Variants in TBC1D22A observed in about 807,000 individuals in gnomAD.
TBC1D22A encodes putative GTPase activator.
TBC1D22A carries 38 observed loss-of-function variants against 60.2 expected under a neutral mutation model. The observed-to-expected ratio is 0.63, with a 90% CI of 0.49 to 0.83. The LOEUF is 0.83. TBC1D22A is among the 40% of genes least tolerant of loss of function. TBC1D22A has a pLI of 0.00. For missense variants in TBC1D22A, 628 were observed against 701.0 expected (o/e 0.90, Z 1.18); for synonymous variants, 302 against 281.7 (o/e 1.07, Z -0.72).
intron 4 of TBC1D22A, among the ~76,000 whole-genome samples, chr22:46,805,488 C>T (rs16995739): frequency 0.014 from 2,124 of 152,312 alleles, 51 homozygotes; most frequent in African/African-American, 0.044. Context: ...ATCTAAGCTC[C>T]AAGTCACTTG....
chr22:46,975,424 C>T (rs996040597), intron 9 of TBC1D22A, among the ~76,000 whole-genome samples: 15 of 152,168 alleles, frequency 9.9e-5, no homozygotes, highest in East Asian at 5.8e-4. Flanking sequence ...CGGTTTGGGT[C>T]GGTAATCGTT....
At chr22:46,959,607 G>A (rs2073388638) in intron 8 of TBC1D22A, among the ~76,000 whole-genome samples, 1 of 152,158 alleles carries the variant, frequency 6.6e-6, no homozygotes, top group South Asian at 2.1e-4. Context: ...TTGTGCCGGT[G>A]GCCTCTCTGT....
At chr22:47,084,635 C>T (rs957898349) in intron 11 of TBC1D22A, among the ~76,000 whole-genome samples, 1 of 152,100 alleles carries the variant, frequency 6.6e-6, no homozygotes, top group Non-Finnish European at 1.5e-5. Context: ...TATTCAGCAA[C>T]AGAATGGATA....
intron 4 of TBC1D22A, among the ~76,000 whole-genome samples, chr22:46,853,341 T>C (rs2087387347): frequency 6.6e-6 from 1 of 152,198 alleles, no homozygotes; most frequent in Admixed American, 6.5e-5. Flanking sequence ...GCGAGAGGCA[T>C]GAAGCCGCCT....
intron 12 of TBC1D22A, among the ~76,000 whole-genome samples, chr22:47,150,053 C>T (rs991364945): frequency 6.6e-6 from 1 of 152,134 alleles, no homozygotes; most frequent in African/African-American, 2.4e-5. Flanking sequence ...CTGGGATTAG[C>T]CCCTCTGGTC....
intron 12 of TBC1D22A, among the ~76,000 whole-genome samples, chr22:47,152,209 G>C (rs1230849428): frequency 6.6e-6 from 1 of 152,226 alleles, no homozygotes. Context: ...TTTGTCCTCA[G>C]GTTGGGTTGA....
At chr22:47,053,580 A>G (rs1190406207) in intron 11 of TBC1D22A, among the ~76,000 whole-genome samples, 2 of 152,244 alleles carry the variant, frequency 1.3e-5, no homozygotes, top group African/African-American at 2.4e-5. Flanking sequence ...GAGAGCAGAA[A>G]GGCCAAGCCC....
At chr22:47,089,294 A>C (rs1044810416) in intron 11 of TBC1D22A, among the ~76,000 whole-genome samples, 2 of 152,208 alleles carry the variant, frequency 1.3e-5, no homozygotes, top group Non-Finnish European at 2.9e-5. Context: ...GAAGCTGTGA[A>C]ATGTGATGTC....
rs1342218906 is a variant in TBC1D22A, at chr22:47,173,638, C to T, written c.*12C>T. On this transcript the variant is annotated 3_prime_UTR_variant, in exon 13 of 13. Transcript: ENST00000337137. Reference sequence around the variant, plus strand: ...ACTACAAGAAATGAGCCCAGGCCCACCCGCAGCTGGCCTCACTGTCCCGGG... The same window carrying T: ...ACTACAAGAAATGAGCCCAGGCCCATCCGCAGCTGGCCTCACTGTCCCGGG... 4.3e-6 allele frequency: 7 copies of T among 1,613,478 alleles called. No individual in the cohort carries two copies. Among genetic ancestry groups the T allele is most frequent in the Non-Finnish European group, 5.9e-6 (7 of 1,179,788 alleles).
intron 11 of TBC1D22A, among the ~76,000 whole-genome samples, chr22:47,066,745 C>T (rs1483001951): frequency 6.6e-6 from 1 of 152,206 alleles, no homozygotes; most frequent in Non-Finnish European, 1.5e-5. Context: ...ATCGGGGAAA[C>T]CCTAGGTCCC....
At chr22:47,096,544 G>A (rs990958707) in intron 11 of TBC1D22A, among the ~76,000 whole-genome samples, 34 of 152,126 alleles carry the variant, frequency 2.2e-4, no homozygotes, top group Non-Finnish European at 1.2e-4. Context: ...TTTGTTGGCC[G>A]GGCACGGTGG....
chr22:47,129,854 G>T (rs2147113071), intron 12 of TBC1D22A, among the ~76,000 whole-genome samples: 1 of 152,378 alleles, frequency 6.6e-6, no homozygotes, highest in South Asian at 2.1e-4. Context: ...TCAGGTTGCT[G>T]TGTCTACTGT....
intron 4 of TBC1D22A, among the ~76,000 whole-genome samples, chr22:46,815,875 G>A (rs548662056): frequency 6.6e-6 from 1 of 152,242 alleles, no homozygotes; most frequent in African/African-American, 2.4e-5. Flanking sequence ...CTGCGTGGAG[G>A]GGAGGCCTGC....
Position 46,904,157 on chromosome 22 carries a change from A to ATCTATCTG in TBC1D22A, c.901-7917_901-7916insTCTATCTG, listed in dbSNP as rs1340570367. The stretch of plus-strand genomic sequence containing the variant: ...TATCTATCTATCTACCTACCTACCT[A>ATCTATCTG]CCTACCTACCTACCTACCAGTCTGA... On this transcript the variant is annotated intron_variant, in intron 7 of 12. Transcript: ENST00000337137. Among the ~76,000 whole-genome samples the ATCTATCTG allele has an allele frequency of 3.8e-3, 555 of 145,206 alleles. 6 individuals carry two copies. Among genetic ancestry groups the ATCTATCTG allele is most frequent in the African/African-American group, 0.013 (513 of 38,586 alleles).
chr22:47,160,362 G>A (rs1001422314), intron 12 of TBC1D22A, among the ~76,000 whole-genome samples: 4 of 152,194 alleles, frequency 2.6e-5, no homozygotes, highest in Admixed American at 6.5e-5. Context: ...AGGCTCTGCC[G>A]TCCCCCTGGA....
intron 8 of TBC1D22A, among the ~76,000 whole-genome samples, chr22:46,916,658 T>C (rs1440096518): frequency 6.6e-6 from 1 of 152,146 alleles, no homozygotes; most frequent in Non-Finnish European, 1.5e-5. Context: ...TAATCAACCT[T>C]TGTTTGAGTG....
At chr22:46,792,604 G>C (rs574885773) in intron 2 of TBC1D22A, 28 bp downstream of exon 2, 1 of 1,614,222 alleles carries the variant, frequency 6.2e-7, no homozygotes, top group East Asian at 2.2e-5. Context: ...CTCACTTGGC[G>C]TCTCGGCTCT....
intron 9 of TBC1D22A, among the ~76,000 whole-genome samples, chr22:46,977,679 G>C (rs2074356588): frequency 3.3e-5 from 5 of 152,186 alleles, no homozygotes; most frequent in Admixed American, 3.3e-4. Flanking sequence ...TCCACAAGCT[G>C]TACAGGAATC....
intron 11 of TBC1D22A, among the ~76,000 whole-genome samples, chr22:47,049,234 A>G (rs1001510873): frequency 3.3e-5 from 5 of 152,180 alleles, no homozygotes; most frequent in Non-Finnish European, 5.9e-5. Flanking sequence ...GCTTTGCGCC[A>G]CTGTTCCAGT....
Sources: allele counts gnomAD v4.1 joint callset (sites outside exome capture counted in the v4.1 genomes callset), GRCh38; gene constraint gnomAD v4.1.1; transcripts MANE v1.5; gene names NCBI Gene and HGNC (gene_info 2026-07-23, HGNC 2026-07-21).